Variants in UBA3 observed in about 807,000 individuals in gnomAD.
UBA3 encodes the protein ubiquitin like modifier activating enzyme 3.
Under a neutral mutation model 73.5 loss-of-function variants are expected in UBA3, and 26 were observed. The ratio of observed to expected loss-of-function variants is 0.35; its 90% CI spans 0.26 to 0.49. UBA3 has a LOEUF of 0.49. Ranked by LOEUF, UBA3 falls within the 20% of genes least tolerant of loss-of-function variation. The probability of loss-of-function intolerance (pLI) is 0.98; values close to 1 mark genes in which losing one functional copy is unlikely to be tolerated. For synonymous variants in UBA3, 217 were observed against 191.2 expected (o/e 1.13, Z -1.11); for missense variants, 495 against 555.6 (o/e 0.89, Z 1.10).
chr3:69,068,583 T>C (rs1221767815), intron 5 of UBA3, among the ~76,000 whole-genome samples: 1 of 151,878 alleles, frequency 6.6e-6, no homozygotes, highest in Non-Finnish European at 1.5e-5. Context: ...CACGTTTTTT[T>C]CTTTTTTCTT....
At chr3:69,069,843 T>G (rs2092107193) in intron 5 of UBA3, among the ~76,000 whole-genome samples, 1 of 152,184 alleles carries the variant, frequency 6.6e-6, no homozygotes, top group African/African-American at 2.4e-5. Context: ...AGTAATATAT[T>G]CTATGTGCTT....
Position 69,071,617 on chromosome 3 carries a change from C to A in UBA3, c.265G>T (p.Ala89Ser). The stretch of plus-strand genomic sequence containing the variant: ...TGAATCTGTCTAAAACCAGACAAGG[C>A]CTGTGGGAATAAAAACAATCCAATT... Reference protein sequence around the residue: ...GLGCELLKNLALSGFRQIHVI... With the variant: ...GLGCELLKNLSLSGFRQIHVI... Residue 89 changes from alanine (A) to serine (S), a missense_variant and splice_region_variant, in exon 5 of 18, where the codon GCC becomes TCC. Physicochemically the swap from Ala to Ser is moderately conservative, Grantham distance 99. Coordinates refer to ENST00000361055, the MANE Select transcript of UBA3 (RefSeq NM_003968.4). 2.6e-6 allele frequency: 4 copies of A among 1,532,668 alleles called. No individual in the cohort carries two copies. Among genetic ancestry groups the A allele is most frequent in the South Asian group, 1.3e-5 (1 of 78,582 alleles). 94.9% of individuals were successfully genotyped at this position (1,532,668 alleles called of 1,614,324 possible).
intron 7 of UBA3, 70 bp from the exon 8 acceptor site, chr3:69,063,573 T>C (rs1213143484): frequency 1.7e-5 from 21 of 1,247,542 alleles, no homozygotes; most frequent in Admixed American, 5.6e-5. Context: ...CAATGTAGAT[T>C]CATCAACTGC....
At chr3:69,060,056 A>G (rs2092009274) in intron 11 of UBA3, among the ~76,000 whole-genome samples, 1 of 152,216 alleles carries the variant, frequency 6.6e-6, no homozygotes, top group Admixed American at 6.5e-5. Flanking sequence ...AGAATGAGAT[A>G]AACCTAAAAG....
chr3:69,069,296 G>C (rs774804596), intron 5 of UBA3, among the ~76,000 whole-genome samples: 13 of 152,056 alleles, frequency 8.5e-5, no homozygotes, highest in South Asian at 4.1e-4. Flanking sequence ...AAATTTCAAA[G>C]AAAAACACTT....
At chr3:69,058,774 G>T (rs1266774110) in intron 11 of UBA3, among the ~76,000 whole-genome samples, 1 of 152,148 alleles carries the variant, frequency 6.6e-6, no homozygotes, top group African/African-American at 2.4e-5. Context: ...GGGCAGAAAG[G>T]CAACTTTCTG....
At chr3:69,071,473 G>A (rs111726662) in intron 5 of UBA3, 62 bp downstream of exon 5, 6 of 888,634 alleles carry the variant, frequency 6.8e-6, no homozygotes, top group African/African-American at 5.3e-5. Flanking sequence ...AAACTGCAAT[G>A]TACAAGTTCA....
At chr3:69,072,025 A>T (rs1433937977) in intron 4 of UBA3, among the ~76,000 whole-genome samples, 2 of 152,212 alleles carry the variant, frequency 1.3e-5, no homozygotes, top group Non-Finnish European at 2.9e-5. Flanking sequence ...ACTTAATATT[A>T]AGCATGCCAC....
At chr3:69,071,410 G>A (rs1359269946) in intron 5 of UBA3, 125 bp downstream of exon 5, 1 of 586,578 alleles carries the variant, frequency 1.7e-6, no homozygotes, top group South Asian at 2.6e-5. Flanking sequence ...GGTAGTTTTT[G>A]TTTTTTAAAA....
intron 6 of UBA3, 76 bp downstream of exon 6, chr3:69,067,852 C>G: frequency 8.9e-7 from 1 of 1,118,156 alleles, no homozygotes; most frequent in Non-Finnish European, 1.3e-6. Context: ...TATCTGTATT[C>G]TCTGTTAAAT....
intron 14 of UBA3, 57 bp downstream of exon 14, chr3:69,056,555 A>G: frequency 6.9e-7 from 1 of 1,439,544 alleles, no homozygotes; most frequent in Admixed American, 1.9e-5. Flanking sequence ...TTTCTAACCA[A>G]TAATATTTAA....
intron 14 of UBA3, 98 bp from the exon 15 acceptor site, chr3:69,056,381 G>A (rs1009778377): frequency 1.8e-6 from 2 of 1,089,472 alleles, no homozygotes; most frequent in Middle Eastern, 2.1e-4. Context: ...TTATAATCAT[G>A]CATATTTCCT....
At chr3:69,057,924 C>CTTTTTT (rs368333207) in intron 11 of UBA3, among the ~76,000 whole-genome samples, 23 of 115,470 alleles carry the variant, frequency 2.0e-4, no homozygotes, top group African/African-American at 3.7e-4. Flanking sequence ...CCACATTTTT[C>CTTTTTT]TTTTTTTTTT....
intron 11 of UBA3, among the ~76,000 whole-genome samples, chr3:69,059,569 C>G (rs767075087): frequency 2.6e-5 from 4 of 152,050 alleles, no homozygotes; most frequent in Non-Finnish European, 4.4e-5. Flanking sequence ...CCATCCCCGG[C>G]GTAGGAACTC....
At chr3:69,064,400 A>G (rs916336596) in intron 6 of UBA3, among the ~76,000 whole-genome samples, 1 of 152,168 alleles carries the variant, frequency 6.6e-6, no homozygotes, top group Admixed American at 6.6e-5. Context: ...TGGTTTTTAT[A>G]TAAAACCATA....
At chr3:69,070,547 C>A (rs555466655) in intron 5 of UBA3, among the ~76,000 whole-genome samples, 1 of 152,262 alleles carries the variant, frequency 6.6e-6, no homozygotes, top group African/African-American at 2.4e-5. Flanking sequence ...CAAATATACA[C>A]TTTTACCTAA....
chr3:69,061,183 C>A (rs1034643399), intron 11 of UBA3, among the ~76,000 whole-genome samples: 1 of 152,202 alleles, frequency 6.6e-6, no homozygotes, highest in Non-Finnish European at 1.5e-5. Flanking sequence ...GGACAACAGT[C>A]AGACCAAACT....
rs1559639189 is a variant in UBA3, at chr3:69,055,308, A to G, written c.*129T>C. 1.8e-6 allele frequency: 1 copy of G among 544,156 alleles called. No individual in the cohort carries two copies. Among genetic ancestry groups the G allele is most frequent in the Non-Finnish European group, 3.0e-6 (1 of 328,884 alleles). 33.7% of individuals were successfully genotyped at this position (544,156 alleles called of 1,614,324 possible). On this transcript the variant is annotated 3_prime_UTR_variant, in exon 18 of 18. Transcript: ENST00000361055. ...TCAAGGGAAGGTTACAAAGTTAAAA[A>G]AGAGTGGTTCATTATATAAAAAAAG...
intron 2 of UBA3, among the ~76,000 whole-genome samples, chr3:69,078,866 A>G (rs1443606510): frequency 1.3e-5 from 2 of 152,224 alleles, no homozygotes; most frequent in Non-Finnish European, 2.9e-5. Context: ...CGCCACAGAT[A>G]GACATCTACA....
Sources: gnomAD v4.1 joint callset for allele counts (sites outside exome capture counted in the v4.1 genomes callset) on GRCh38, gnomAD v4.1.1 for gene constraint, MANE v1.5 for transcripts, NCBI Gene and HGNC (gene_info 2026-07-23, HGNC 2026-07-21) for gene names.